BIRC6: variants seen among roughly 807,000 people sequenced by gnomAD.
BIRC6 encodes the protein baculoviral IAP repeat containing 6.
Under a neutral mutation model 503.3 loss-of-function variants are expected in BIRC6, and 98 were observed. The observed-to-expected ratio is 0.19, with a 90% confidence interval of 0.17 to 0.23. BIRC6 has a LOEUF of 0.23. Among genes scored for constraint, BIRC6 ranks in the 10% least tolerant of loss-of-function variants. The pLI is 1.00. For missense variants in BIRC6, 5,360 were observed against 5,806.0 expected (o/e 0.92, Z 2.50); for synonymous variants, 2,240 against 2,078.7 (o/e 1.08, Z -2.11).
chr2:32,556,532 A>G (rs577789213), intron 65 of BIRC6, among the ~76,000 whole-genome samples: 9 of 152,318 alleles, frequency 5.9e-5, no homozygotes, highest in East Asian at 1.9e-4. Flanking sequence ...CATTTCTTCT[A>G]TGAAACATCC....
rs144246865 is a variant in BIRC6, at chr2:32,606,743, C to T, written c.14071-712C>T. On this transcript the variant is annotated intron_variant, in intron 71 of 73. Coordinates refer to ENST00000421745, the MANE Select transcript of BIRC6 (RefSeq NM_016252.4). ...TGGCTAGGCCAGGCACAGTGGCTGACGCCTGTAATCCCAGCACTTTGGGAG... is the reference window on the plus strand; with the variant it reads ...TGGCTAGGCCAGGCACAGTGGCTGATGCCTGTAATCCCAGCACTTTGGGAG... Among the ~76,000 whole-genome samples the T allele has an allele frequency of 4.2e-3, 638 of 151,390 alleles. 7 individuals carry two copies. Among genetic ancestry groups the T allele is most frequent in the African/African-American group, 0.015 (606 of 41,258 alleles).
chr2:32,508,324 G>GACTTAATT (rs2054027928), intron 51 of BIRC6, 65 bp downstream of exon 51: 9 of 1,398,636 alleles, frequency 6.4e-6, no homozygotes, highest in Non-Finnish European at 8.3e-6. Context: ...GGAGATAGGG[G>GACTTAATT]ACTTAATTAT....
rs188969921 is a variant in BIRC6, at chr2:32,510,059, G to A, written c.10237+65G>A. 28 of 1,535,858 alleles carry A rather than the reference G, an allele frequency of 1.8e-5. No homozygotes were observed. In the East Asian group the frequency reaches 2.0e-4, roughly 11 times the overall value. Reference sequence around the variant, plus strand: ...TAAAGTAACAGCAGTTGAACTGTGCGATCTTCGTGCTTAACTCTGTTTTGG... The same window carrying A: ...TAAAGTAACAGCAGTTGAACTGTGCAATCTTCGTGCTTAACTCTGTTTTGG... On this transcript the variant is annotated intron_variant, in intron 52 of 73. Transcript: ENST00000421745.
At chr2:32,387,715 G>T (rs1036939370) in intron 3 of BIRC6, among the ~76,000 whole-genome samples, 2 of 152,088 alleles carry the variant, frequency 1.3e-5, no homozygotes, top group East Asian at 3.9e-4. Flanking sequence ...CCCAGTAATG[G>T]TAATTGTCTA....
At chr2:32,367,246 T>G (rs1048699512) in intron 1 of BIRC6, among the ~76,000 whole-genome samples, 4 of 151,992 alleles carry the variant, frequency 2.6e-5, no homozygotes, top group Admixed American at 6.6e-5. Context: ...GTGGGTCACC[T>G]GAGGTACGGA....
intron 1 of BIRC6, among the ~76,000 whole-genome samples, chr2:32,359,743 C>T (rs2033745563): frequency 1.3e-5 from 2 of 151,918 alleles, no homozygotes; most frequent in Non-Finnish European, 1.5e-5. Context: ...AAAATTTATT[C>T]GTATTTGTAG....
intron 73 of BIRC6, among the ~76,000 whole-genome samples, chr2:32,613,574 T>G (rs1572414313): frequency 6.6e-6 from 1 of 151,866 alleles, no homozygotes; most frequent in South Asian, 2.1e-4. Context: ...AGAGACGGGG[T>G]TTCACCATGT....
At chr2:32,443,947 G>A (rs1462527535) in intron 20 of BIRC6, among the ~76,000 whole-genome samples, 4 of 152,072 alleles carry the variant, frequency 2.6e-5, no homozygotes, top group Non-Finnish European at 5.9e-5. Context: ...TAAGTAAAAC[G>A]GTCCAGGTGT....
At chr2:32,495,292 T>C (rs2052308586) in intron 45 of BIRC6, among the ~76,000 whole-genome samples, 1 of 152,186 alleles carries the variant, frequency 6.6e-6, no homozygotes. Context: ...AGAAACTGTT[T>C]AGGAATTTTC....
chr2:32,467,380 C>G, intron 26 of BIRC6, 145 bp from the exon 27 acceptor site: 1 of 690,804 alleles, frequency 1.4e-6, no homozygotes, highest in Non-Finnish European at 2.4e-6. Context: ...ATTGACAAGG[C>G]CATTTTTACA....
Position 32,430,853 on chromosome 2 carries a change from A to G in BIRC6, c.3023-12A>G. 1 of 1,458,268 alleles carries G rather than the reference A, an allele frequency of 6.9e-7. No individual in the cohort carries two copies. The highest frequency in any genetic ancestry group is 9.5e-7 in the Non-Finnish European group (1 of 1,054,618). The allele number at this position is 1,458,268 out of a possible 1,614,324, so 90.3% of individuals were successfully genotyped here. A position where few individuals can be genotyped will look rare whatever the true frequency, so the allele number is the denominator to read the frequency against. On this transcript the variant is annotated splice_polypyrimidine_tract_variant and intron_variant, in intron 11 of 73. Coordinates refer to ENST00000421745, the MANE Select transcript of BIRC6 (RefSeq NM_016252.4). ...CACACCTATTTCAAATACTGCTCTC[A>G]CTAATGTTAAGGAGTTGATTTATTG...
Position 32,532,236 on chromosome 2 carries a change from C to G in BIRC6, c.12291+685C>G, listed in dbSNP as rs746705333. ...CCTGAGCTGCTGTACCAAAATACCA[C>G]AAACGGGCTGGCTTAAAACAACTGA... On this transcript the variant is annotated intron_variant, in intron 61 of 73. Coordinates refer to ENST00000421745, the MANE Select transcript of BIRC6 (RefSeq NM_016252.4). 53 of 529,494 alleles carry G rather than the reference C, an allele frequency of 1.0e-4. 1 individual carries two copies. Among genetic ancestry groups the G allele is most frequent in the South Asian group, 6.0e-4 (43 of 71,312 alleles). The allele number at this position is 529,494 out of a possible 1,614,324, so 32.8% of individuals were successfully genotyped here.
At chr2:32,358,715 G>C (rs1223520402) in intron 1 of BIRC6, among the ~76,000 whole-genome samples, 1 of 152,218 alleles carries the variant, frequency 6.6e-6, no homozygotes, top group East Asian at 1.9e-4. Flanking sequence ...CGTGAAATTA[G>C]ACATGTTAAT....
intron 29 of BIRC6, 102 bp downstream of exon 29, chr2:32,468,885 G>T: frequency 3.2e-6 from 3 of 947,732 alleles, no homozygotes; most frequent in South Asian, 2.3e-5. Context: ...GTAAATTTTG[G>T]TATTTTAAAA....
intron 65 of BIRC6, among the ~76,000 whole-genome samples, chr2:32,553,641 C>T (rs190813730): frequency 1.2e-3 from 185 of 152,030 alleles, no homozygotes; most frequent in African/African-American, 4.0e-3. Flanking sequence ...CCGCTCACCT[C>T]GGCCTCCCAA....
intron 45 of BIRC6, among the ~76,000 whole-genome samples, chr2:32,494,883 C>T (rs2052257363): frequency 6.6e-6 from 1 of 152,124 alleles, no homozygotes; most frequent in Non-Finnish European, 1.5e-5. Context: ...TGCCACTGCA[C>T]TACAACCTGG....
intron 65 of BIRC6, among the ~76,000 whole-genome samples, chr2:32,550,666 C>T (rs987231538): frequency 6.6e-6 from 1 of 152,040 alleles, no homozygotes; most frequent in African/African-American, 2.4e-5. Flanking sequence ...GAAGATATGA[C>T]CTACCAAAAA....
In BIRC6 at chr2:32,415,659, G is replaced by A; in HGVS notation, c.2368G>A (p.Val790Ile). Residue 790 changes from valine to isoleucine, a missense_variant, in exon 10 of 74, where the codon GTA (valine) becomes ATA (isoleucine). Transcript: ENST00000421745. The part of the protein sequence containing the change: ...RKGELESNLA[V>I]VNGANISVIQ... ...AGGTGAGCTGGAATCAAATCTTGCTGTAGTGAATGGTGCAAATATTAGTGT... is the reference window on the plus strand; with the variant it reads ...AGGTGAGCTGGAATCAAATCTTGCTATAGTGAATGGTGCAAATATTAGTGT... 1 of 1,613,910 alleles carries A rather than the reference G, an allele frequency of 6.2e-7. No homozygotes were observed. The highest frequency in any genetic ancestry group is 8.5e-7 in the Non-Finnish European group (1 of 1,179,890).
intron 54 of BIRC6, among the ~76,000 whole-genome samples, 196 bp from the exon 55 acceptor site, chr2:32,514,794 C>T (rs1021149516): frequency 1.3e-5 from 2 of 152,022 alleles, no homozygotes; most frequent in Non-Finnish European, 2.9e-5. Flanking sequence ...ATTGTACCTA[C>T]ATTCTTCAAT....
Sources: gnomAD v4.1 joint callset for allele counts (sites outside exome capture counted in the v4.1 genomes callset) on GRCh38, gnomAD v4.1.1 for gene constraint, MANE v1.5 for transcripts, NCBI Gene and HGNC (gene_info 2026-07-23, HGNC 2026-07-21) for gene names.